The following TELO2 variants were observed in gnomAD, a reference collection of about 807,000 sequenced individuals.
TELO2 encodes the protein telomere maintenance 2, also known as telomere length regulation protein TEL2 homolog.
In TELO2, 71 loss-of-function variants were observed where a neutral mutation model predicts 91.0. The observed-to-expected ratio is 0.78, with a 90% CI of 0.64 to 0.95. The LOEUF (loss-of-function observed/expected upper bound fraction) is 0.95. TELO2 is among the 40% of genes least tolerant of loss of function. The pLI is 0.00. For missense variants in TELO2, 1,183 were observed against 1,141.3 expected, an observed-to-expected ratio of 1.04 and a Z score of -0.53; for synonymous variants, 584 against 518.9, an observed-to-expected ratio of 1.13 and a Z score of -1.71.
At position 1,501,432 on chromosome 16, in the gene TELO2, G is replaced by A; in HGVS notation, c.1294G>A (p.Glu432Lys). The A allele has an allele frequency of 6.2e-7, 1 of 1,612,432 alleles. No homozygotes were observed. Among genetic ancestry groups the A allele is most frequent in the Non-Finnish European group, 8.5e-7 (1 of 1,179,684 alleles). The change falls in exon 10 of 21, where the codon GAA (glutamate) becomes AAA (lysine). Residue 432 changes from glutamate (E) to lysine (K), a missense_variant. Physicochemically the swap from Glu to Lys is moderately conservative, Grantham distance 56. Coordinates refer to ENST00000262319, the MANE Select transcript of TELO2 (RefSeq NM_016111.4). Reference sequence around the variant, plus strand: ...TCCCCTGCTGTAGTACGAAGAGGATGAACTGAGCCTCGAGCTGCTGGCCTT... The same window carrying A: ...TCCCCTGCTGTAGTACGAAGAGGATAAACTGAGCCTCGAGCTGCTGGCCTT... ...PPLKFQYEED[E>K]LSLELLALAS...
At position 1,494,171 on chromosome 16, in the gene TELO2, C is replaced by T. The variant is rs1005844235; in HGVS notation, c.-36-75C>T. 1.8e-5 allele frequency: 18 copies of T among 1,027,836 alleles called. No individual in the cohort carries two copies. The highest frequency in any genetic ancestry group is 2.4e-5 in the Non-Finnish European group (17 of 705,120). 63.7% of individuals were successfully genotyped at this position (1,027,836 alleles called of 1,614,324 possible). On this transcript the variant is annotated intron_variant, in intron 1 of 20. Transcript: ENST00000262319. The surrounding 1 kb of genome is among the most constrained non-coding windows in gnomAD (Gnocchi z 5.6). Reference sequence around the variant, plus strand: ...GGTTGAGGGGTGTGGGGTCTCGGGGCGCTCACCGAGGGGCTTCCTGAGCTT... The same window carrying T: ...GGTTGAGGGGTGTGGGGTCTCGGGGTGCTCACCGAGGGGCTTCCTGAGCTT...
In TELO2 at chr16:1,505,267, A is replaced by G; in HGVS notation, c.1843-143A>G. ...GGTTGCTGTGAGCTACGGGGAAGTG[A>G]CTTTTCTCCTTGTTCCCAGAACACA... On this transcript the variant is annotated intron_variant, in intron 15 of 20. Transcript: ENST00000262319. The surrounding 1 kb of genome is among the most constrained non-coding windows in gnomAD (Gnocchi z 4.3). 1.2e-5 allele frequency: 12 copies of G among 994,076 alleles called. No individual in the cohort carries two copies. The highest frequency in any genetic ancestry group is 1.6e-5 in the Non-Finnish European group (11 of 695,172). The allele number at this position is 994,076 out of a possible 1,614,324, so 61.6% of individuals were successfully genotyped here.
intron 17 of TELO2, 31 bp from the exon 18 acceptor site, chr16:1,506,921 G>A (rs2039912743): frequency 1.0e-5 from 16 of 1,576,638 alleles, no homozygotes; most frequent in Admixed American, 1.8e-5. Context: ...TGAGGCACCC[G>A]CTGCACCTTG....
Position 1,505,696 on chromosome 16 carries a change from G to A in TELO2, c.2034+95G>A, listed in dbSNP as rs1238444061. 1.4e-6 allele frequency: 2 copies of A among 1,418,308 alleles called. No homozygotes were observed. The highest frequency in any genetic ancestry group is 9.4e-7 in the Non-Finnish European group (1 of 1,059,362). The allele number at this position is 1,418,308 out of a possible 1,614,324, so 87.9% of individuals were successfully genotyped here. On this transcript the variant is annotated intron_variant, in intron 16 of 20. Transcript: ENST00000262319. The surrounding 1 kb of genome is among the most constrained non-coding windows in gnomAD (Gnocchi z 4.3). ...CTCCAGGCGCTGTCTGCAGCGAGGG[G>A]CGGCCACATTCGCTGGGGATGGTGC...
chr16:1,495,335 C>G lies in TELO2; in HGVS notation c.336-11C>G, dbSNP rs1000646950. 7.2e-6 allele frequency: 11 copies of G among 1,534,420 alleles called. No homozygotes were observed. Among genetic ancestry groups the G allele is most frequent in the Admixed American group, 5.9e-5 (3 of 50,808 alleles). On this transcript the variant is annotated splice_polypyrimidine_tract_variant and intron_variant, in intron 2 of 20. Transcript: ENST00000262319. Reference sequence around the variant, plus strand: ...GGTTGGCGGCTCTGCCCAACACGCCCGTATCTTCAGCCCCAGCTTCCGGCT... The same window carrying G: ...GGTTGGCGGCTCTGCCCAACACGCCGGTATCTTCAGCCCCAGCTTCCGGCT...
chr16:1,494,399 G>C lies in TELO2; in HGVS notation c.118G>C (p.Gly40Arg), dbSNP rs533351630. Reference protein sequence around the residue: ...CTLESLKRYLGEMEPPALPRE... With the variant: ...CTLESLKRYLREMEPPALPRE... ...CCTGGAGTCCCTGAAGCGGTATCTC[G>C]GTGAGATGGAGCCTCCAGCGCTCCC... Residue 40 changes from glycine (G) to arginine (R), a missense_variant, in exon 2 of 21, where the codon GGT (glycine) becomes CGT (arginine). Transcript: ENST00000262319. The surrounding 1 kb of genome is among the most constrained non-coding windows in gnomAD (Gnocchi z 5.6). 1.2e-6 allele frequency: 2 copies of C among 1,613,564 alleles called. No homozygotes were observed. Among genetic ancestry groups the C allele is most frequent in the Admixed American group, 1.7e-5 (1 of 60,028 alleles).
chr16:1,507,814 G>A, intron 20 of TELO2, 98 bp downstream of exon 20: 1 of 601,876 alleles, frequency 1.7e-6, no homozygotes, highest in Non-Finnish European at 2.3e-6. Context: ...GGCCCGGGGT[G>A]TGTGTGTGTG....
intron 20 of TELO2, among the ~76,000 whole-genome samples, chr16:1,509,599 C>CT (rs1356446687): frequency 6.6e-6 from 1 of 152,262 alleles, no homozygotes; most frequent in Non-Finnish European, 1.5e-5. Flanking sequence ...TTTCCCATGG[C>CT]TGCCTGTCCC....
At chr16:1,501,874 G>C in intron 11 of TELO2, 101 bp downstream of exon 11, 2 of 1,455,334 alleles carry the variant, frequency 1.4e-6, no homozygotes, top group South Asian at 1.2e-5. Flanking sequence ...TGCCTGCTCC[G>C]TGCTTCTTCT....
At chr16:1,501,085 A>G (rs1035922368) in intron 9 of TELO2, among the ~76,000 whole-genome samples, 14 of 152,172 alleles carry the variant, frequency 9.2e-5, no homozygotes, top group African/African-American at 2.4e-4. Flanking sequence ...CTGGCCATGG[A>G]GGAGCCCTGT....
intron 10 of TELO2, 26 bp from the exon 11 acceptor site, chr16:1,501,637 G>A: frequency 6.3e-7 from 1 of 1,595,684 alleles, no homozygotes; most frequent in Non-Finnish European, 8.5e-7. Context: ...GCCCCTAAAG[G>A]ATTTTTGTTC....
chr16:1,501,687 AG>A lies in TELO2; in HGVS notation c.1387del (p.Glu463SerfsTer44). ...GCACGTCCCTCGTTCCAGCCACGGCAGAGCCCCCTGCAGAGACCCCCGCAGA... is the reference window on the plus strand; with the variant it reads ...GCACGTCCCTCGTTCCAGCCACGGCAAGCCCCCTGCAGAGACCCCCGCAGA... ...AGTSLVPATA[E>X]PPAETPAEIV... On this transcript the variant is annotated frameshift_variant, in exon 11 of 21. Transcript: ENST00000262319. LOFTEE classifies it high-confidence loss of function. 1 of 1,611,052 alleles carries A rather than the reference AG, an allele frequency of 6.2e-7. No individual in the cohort carries two copies. The highest frequency in any genetic ancestry group is 8.5e-7 in the Non-Finnish European group (1 of 1,179,024).
chr16:1,506,198 A>T (rs1235450429), intron 16 of TELO2, 40 bp from the exon 17 acceptor site: 1 of 1,607,916 alleles, frequency 6.2e-7, no homozygotes, highest in Admixed American at 1.7e-5. Context: ...CCCGCTGCCC[A>T]AGCCTGCACC....
chr16:1,494,768 G>C lies in TELO2; in HGVS notation c.335+152G>C. On this transcript the variant is annotated intron_variant, in intron 2 of 20. Transcript: ENST00000262319. The surrounding 1 kb of genome is among the most constrained non-coding windows in gnomAD (Gnocchi z 5.6). ...AACCCCTGAACAGAAGAAGCGGTCT[G>C]TGTCTGTCTCCTTTGCGACGGGAGG... 5 of 896,994 alleles carry C rather than the reference G, an allele frequency of 5.6e-6. No homozygotes were observed. The South Asian group carries it at 8.9e-5, about 16-fold the overall frequency. 55.6% of individuals were successfully genotyped at this position (896,994 alleles called of 1,614,324 possible). A position where few individuals can be genotyped will look rare whatever the true frequency, so the allele number is the denominator to read the frequency against.
intron 11 of TELO2, 102 bp from the exon 12 acceptor site, chr16:1,501,945 C>T (rs1408721226): frequency 5.3e-5 from 81 of 1,530,078 alleles, no homozygotes; most frequent in Non-Finnish European, 7.0e-5. Flanking sequence ...GGGGCCGAGG[C>T]GTGAGCTCCG....
chr16:1,501,476 G>T lies in TELO2; in HGVS notation c.1338G>T (p.Ala446=). 1 of 1,611,056 alleles carries T rather than the reference G, an allele frequency of 6.2e-7. No individual in the cohort carries two copies. Residue 446 remains alanine (A), a synonymous_variant, in exon 10 of 21, where the codon GCG becomes GCT. Transcript: ENST00000262319. ...TGGCCTTGGCCTCCCCCCAGCCTGC[G>T]GGTGACGGCGCCTCGGAGGCGGGGT... The part of the protein sequence containing the change: ...ELLALASPQP[A]GDGASEAGTS...
At position 1,495,346 on chromosome 16, in the gene TELO2, C is replaced by A. The variant is rs766255081; in HGVS notation, c.336C>A (p.Gly112=). The A allele has an allele frequency of 6.6e-5, 101 of 1,541,466 alleles. No homozygotes were observed. The highest frequency in any genetic ancestry group is 2.3e-4 in the Middle Eastern group (1 of 4,398). Reference sequence around the variant, plus strand: ...CTGCCCAACACGCCCGTATCTTCAGCCCCAGCTTCCGGCTGATGAAGATGG... The same window carrying A: ...CTGCCCAACACGCCCGTATCTTCAGACCCAGCTTCCGGCTGATGAAGATGG... ...VLMETIEGAA[G]PSFRLMKMAR... The change falls in exon 3 of 21, where the codon GGC becomes GGA. Residue 112 remains glycine (G), a splice_region_variant and synonymous_variant. Coordinates refer to ENST00000262319, the MANE Select transcript of TELO2 (RefSeq NM_016111.4).
chr16:1,495,382 G>A lies in TELO2; in HGVS notation c.372G>A (p.Leu124=). ...GGCTGATGAAGATGGCGCGGCTGCT[G>A]GCCAGATTCCTGCGCGAGGGCCGGC... ...SFRLMKMARL[L]ARFLREGRLA... The change falls in exon 3 of 21, where the codon CTG becomes CTA. Residue 124 remains leucine (L), a synonymous_variant. Transcript: ENST00000262319. The A allele has an allele frequency of 6.4e-7, 1 of 1,569,502 alleles. No individual in the cohort carries two copies. The highest frequency in any genetic ancestry group is 8.6e-7 in the Non-Finnish European group (1 of 1,158,148).
At chr16:1,501,993 G>C (rs2039704452) in intron 11 of TELO2, 54 bp from the exon 12 acceptor site, 8 of 1,608,714 alleles carry the variant, frequency 5.0e-6, no homozygotes, top group Non-Finnish European at 6.8e-6. Flanking sequence ...TCTGCCGTTG[G>C]GCACTTCCTG....
Sources: allele counts gnomAD v4.1 joint callset (sites outside exome capture counted in the v4.1 genomes callset), GRCh38; gene constraint gnomAD v4.1.1; non-coding constraint Gnocchi (gnomAD v3.1); transcripts MANE v1.5; gene names NCBI Gene and HGNC (gene_info 2026-07-23, HGNC 2026-07-21).